Variants in DGKI observed in about 807,000 individuals in gnomAD.
DGKI encodes the protein diacylglycerol kinase iota, also known as DAG kinase iota.
In DGKI, 55 loss-of-function variants were observed where a neutral mutation model predicts 147.5. The ratio of observed to expected loss-of-function variants is 0.37; its 90% CI spans 0.30 to 0.47. DGKI has a LOEUF of 0.47. Ranked by LOEUF, DGKI falls within the 20% of genes least tolerant of loss-of-function variation. DGKI has a pLI of 1.00. For synonymous variants in DGKI, 469 were observed against 477.1 expected (o/e 0.98, Z 0.22); for missense variants, 1,007 against 1,323.8 (o/e 0.76, Z 3.71).
At chr7:137,696,337 A>G (rs921462590) in intron 1 of DGKI, among the ~76,000 whole-genome samples, 2 of 149,782 alleles carry the variant, frequency 1.3e-5, no homozygotes, top group Non-Finnish European at 3.0e-5. Flanking sequence ...CCTCAGACAG[A>G]TTTACCATCA....
intron 22 of DGKI, among the ~76,000 whole-genome samples, chr7:137,485,972 A>C (rs1032020330): frequency 6.6e-6 from 1 of 152,070 alleles, no homozygotes; most frequent in Non-Finnish European, 1.5e-5. Context: ...GAAATTAATG[A>C]GGTTTTACTG....
chr7:137,518,304 A>C (rs1816850448), intron 21 of DGKI, among the ~76,000 whole-genome samples: 2 of 152,162 alleles, frequency 1.3e-5, no homozygotes, highest in South Asian at 4.1e-4. Flanking sequence ...AAATTAAATG[A>C]CTTTGTCAAG....
At chr7:137,443,547 T>A (rs912697130) in intron 28 of DGKI, among the ~76,000 whole-genome samples, 3 of 152,256 alleles carry the variant, frequency 2.0e-5, no homozygotes, top group African/African-American at 7.2e-5. Context: ...TTTTCTCTTT[T>A]GAGTGAATTA....
At chr7:137,600,104 C>A (rs533659860) in intron 10 of DGKI, among the ~76,000 whole-genome samples, 199 bp from the exon 11 acceptor site, 1 of 152,180 alleles carries the variant, frequency 6.6e-6, no homozygotes, top group African/African-American at 2.4e-5. Context: ...GGCAACATGA[C>A]AAAATCCCGT....
At chr7:137,759,283 A>G (rs7797147) in intron 1 of DGKI, among the ~76,000 whole-genome samples, 57,277 of 151,122 alleles carry the variant, frequency 0.38, 11,277 homozygotes, top group African/African-American at 0.51. Context: ...AGCTCCATCC[A>G]TTTTGCTGCA....
intron 3 of DGKI, among the ~76,000 whole-genome samples, chr7:137,677,632 T>TC (rs755310144): frequency 6.6e-6 from 1 of 152,326 alleles, no homozygotes; most frequent in South Asian, 2.1e-4. Context: ...CTCGATTTAT[T>TC]CCATATTGGT....
rs114099726 is a variant in DGKI, at chr7:137,421,244, G to C, written c.2762-9037C>G. ...GATTAATCCATCAGTGGCATCAAAA[G>C]GCCATTAGATACTACGGTGGCTTTA... On this transcript the variant is annotated intron_variant, in intron 28 of 32. Transcript: ENST00000614521. Among the ~76,000 whole-genome samples, 862 of 152,210 alleles carry C rather than the reference G, an allele frequency of 5.7e-3. 9 individuals carry two copies. The highest frequency in any genetic ancestry group is 0.02 in the African/African-American group (820 of 41,522).
At chr7:137,789,967 A>G (rs1030334016) in intron 1 of DGKI, among the ~76,000 whole-genome samples, 2 of 152,178 alleles carry the variant, frequency 1.3e-5, no homozygotes, top group Non-Finnish European at 1.5e-5. Flanking sequence ...TGATATGTTA[A>G]TCTATAGCAA....
intron 20 of DGKI, among the ~76,000 whole-genome samples, chr7:137,526,388 C>T (rs1403907507): frequency 7.0e-6 from 1 of 142,552 alleles, no homozygotes; most frequent in African/African-American, 2.5e-5. Flanking sequence ...GTGACCTAAA[C>T]CTGTCGCCTT....
At position 137,466,055 on chromosome 7, in the gene DGKI, C is replaced by T. The variant is rs764900023; in HGVS notation, c.2485-20G>A. 9 of 1,612,238 alleles carry T rather than the reference C, an allele frequency of 5.6e-6. No individual in the cohort carries two copies. In the Admixed American group the frequency reaches 1.3e-4, roughly 24 times the overall value. The stretch of plus-strand genomic sequence containing the variant: ...ATGTTCCTAAAGAAGAACAAGAAGT[C>T]TGTTGCATGAAGAATAACAAAACAA... On this transcript the variant is annotated intron_variant, in intron 25 of 32. Transcript: ENST00000614521.
At chr7:137,417,172 A>G (rs1812391708) in intron 28 of DGKI, among the ~76,000 whole-genome samples, 1 of 152,194 alleles carries the variant, frequency 6.6e-6, no homozygotes, top group Admixed American at 6.5e-5. Flanking sequence ...GCCTTTCTCA[A>G]AACTCCTTCA....
chr7:137,618,512 G>A (rs74993939), intron 8 of DGKI, among the ~76,000 whole-genome samples: 3,507 of 151,078 alleles, frequency 0.023, 113 homozygotes, highest in African/African-American at 0.079. Flanking sequence ...TAAGGATCAC[G>A]TATTTTATCG....
chr7:137,429,349 T>C (rs1585106776), intron 28 of DGKI, among the ~76,000 whole-genome samples: 1 of 152,182 alleles, frequency 6.6e-6, no homozygotes. Flanking sequence ...TGGCTAGCCA[T>C]ATGCAGAAAG....
At chr7:137,627,225 T>C (rs1820973800) in intron 6 of DGKI, among the ~76,000 whole-genome samples, 1 of 152,242 alleles carries the variant, frequency 6.6e-6, no homozygotes, top group South Asian at 2.1e-4. Flanking sequence ...CAACTCACTG[T>C]GACCTCTCCT....
intron 2 of DGKI, among the ~76,000 whole-genome samples, chr7:137,687,362 A>T (rs188989269): frequency 6.6e-6 from 1 of 152,342 alleles, no homozygotes; most frequent in East Asian, 1.9e-4. Context: ...TTAAATAAAG[A>T]TTGCTCATTT....
chr7:137,522,232 A>G (rs568683212), intron 20 of DGKI, among the ~76,000 whole-genome samples: 2 of 152,214 alleles, frequency 1.3e-5, no homozygotes, highest in South Asian at 2.1e-4. Context: ...TTTTCTATTG[A>G]TTTTTTAAAA....
chr7:137,821,905 G>A (rs910577537), intron 1 of DGKI, among the ~76,000 whole-genome samples: 2 of 152,134 alleles, frequency 1.3e-5, no homozygotes, highest in Non-Finnish European at 2.9e-5. Flanking sequence ...AAAACAGGAA[G>A]AATCCTTTCT....
At chr7:137,662,260 C>T (rs13438471) in intron 3 of DGKI, among the ~76,000 whole-genome samples, 20,781 of 94,920 alleles carry the variant, frequency 0.22, 4,718 homozygotes, top group African/African-American at 0.56. Flanking sequence ...TTTTTTTTTT[C>T]GAGACAGAGT....
chr7:137,840,839 G>A (rs925745572), intron 1 of DGKI, among the ~76,000 whole-genome samples: 2 of 152,236 alleles, frequency 1.3e-5, no homozygotes, highest in Non-Finnish European at 2.9e-5. Flanking sequence ...CACCTACCAA[G>A]CAAGAAGAAT....
Sources: allele counts gnomAD v4.1 joint callset (sites outside exome capture counted in the v4.1 genomes callset), GRCh38; gene constraint gnomAD v4.1.1; transcripts MANE v1.5; gene names NCBI Gene and HGNC (gene_info 2026-07-23, HGNC 2026-07-21).